Variants in IL17RA observed in about 807,000 individuals in gnomAD.
IL17RA encodes interleukin-17 receptor A.
Under a neutral mutation model 50.4 loss-of-function variants are expected in IL17RA, and 34 were observed. That is an observed-to-expected ratio of 0.67 (90% CI 0.51 to 0.90). The LOEUF is 0.90. Among genes scored for constraint, IL17RA ranks in the 40% least tolerant of loss-of-function variants. IL17RA has a pLI of 0.00. For missense variants in IL17RA, 1,276 were observed against 1,169.8 expected, an observed-to-expected ratio of 1.09 and a Z score of -1.32; for synonymous variants, 585 against 510.4, an observed-to-expected ratio of 1.15 and a Z score of -1.97.
intron 1 of IL17RA, 73 bp downstream of exon 1, chr22:17,085,302 G>T: frequency 1.3e-6 from 2 of 1,523,142 alleles, no homozygotes; most frequent in South Asian, 2.4e-5. Flanking sequence ...AGGGCCGGAC[G>T]GTCGGGACTA....
chr22:17,085,306 G>C, intron 1 of IL17RA, 77 bp downstream of exon 1: 1 of 1,521,762 alleles, frequency 6.6e-7, no homozygotes, highest in Non-Finnish European at 8.8e-7. Context: ...CCGGACGGTC[G>C]GGACTACGCG....
At chr22:17,097,212 G>A in intron 2 of IL17RA, 126 bp downstream of exon 2, 1 of 905,626 alleles carries the variant, frequency 1.1e-6, no homozygotes, top group Admixed American at 1.8e-5. Flanking sequence ...GCCATCCGCA[G>A]GAGGGTTCCC....
intron 1 of IL17RA, among the ~76,000 whole-genome samples, chr22:17,091,177 G>A (rs2061346540): frequency 6.6e-6 from 1 of 152,112 alleles, no homozygotes; most frequent in African/African-American, 2.4e-5. Context: ...AATTTCCTAA[G>A]CATATGTATG....
chr22:17,109,267 C>A lies in IL17RA; in HGVS notation c.2048C>A (p.Pro683His). The change falls in exon 13 of 13, where the codon CCT (proline) becomes CAT (histidine). Residue 683 changes from proline to histidine, a missense_variant. Coordinates refer to ENST00000319363, the MANE Select transcript of IL17RA (RefSeq NM_014339.7). Reference protein sequence around the residue: ...EEGALVAAVEPGPLADGAAVR... With the variant: ...EEGALVAAVEHGPLADGAAVR... ...GGGGCCCTGGTGGCCGCGGTGGAGC[C>A]TGGGCCCCTGGCTGACGGTGCCGCA... The A allele has an allele frequency of 6.6e-7, 1 of 1,506,152 alleles. No individual in the cohort carries two copies. The highest frequency in any genetic ancestry group is 1.4e-5 in the African/African-American group (1 of 72,528). The allele number at this position is 1,506,152 out of a possible 1,614,324, so 93.3% of individuals were successfully genotyped here. A position where few individuals can be genotyped will look rare whatever the true frequency, so the allele number is the denominator to read the frequency against.
At position 17,108,783 on chromosome 22, in the gene IL17RA, C is replaced by G. The variant is rs543278251; in HGVS notation, c.1564C>G (p.Arg522Gly). 6.2e-7 allele frequency: 1 copy of G among 1,607,494 alleles called. No individual in the cohort carries two copies. The highest frequency in any genetic ancestry group is 1.7e-5 in the Admixed American group (1 of 59,180). Reference sequence around the variant, plus strand: ...CCCCGACCTGTTCGGCGCGGCGCCGCGGTACCCGCTCATGGACAGGTTCGA... The same window carrying G: ...CCCCGACCTGTTCGGCGCGGCGCCGGGGTACCCGCTCATGGACAGGTTCGA... ...DVPDLFGAAP[R>G]YPLMDRFEEV... Residue 522 changes from arginine (R) to glycine (G), a missense_variant, in exon 13 of 13, where the codon CGG becomes GGG. By Grantham distance (125) the Arg-to-Gly change is moderately radical. Transcript: ENST00000319363.
Position 17,108,497 on chromosome 22 carries a change from G to T in IL17RA, c.1278G>T (p.Met426Ile). Residue 426 changes from methionine (M) to isoleucine (I), a missense_variant, in exon 13 of 13, where the codon ATG becomes ATT. Transcript: ENST00000319363. ...AGGCCATCTCGGAGGCAGGAGTCAT[G>T]ACCTGGGTGGGCCGTCAGAAGCAGG... ...EEQAISEAGVMTWVGRQKQEM... is the reference protein window; with the variant it reads ...EEQAISEAGVITWVGRQKQEM... The T allele has an allele frequency of 6.2e-7, 1 of 1,612,986 alleles. No individual in the cohort carries two copies. Among genetic ancestry groups the T allele is most frequent in the Middle Eastern group, 1.6e-4 (1 of 6,062 alleles).
At position 17,085,250 on chromosome 22, in the gene IL17RA, C is replaced by G. The variant is rs771841514; in HGVS notation, c.138+21C>G. 6.5e-6 allele frequency: 10 copies of G among 1,536,952 alleles called. No homozygotes were observed. The South Asian group carries it at 1.1e-4, about 17-fold the overall frequency. On this transcript the variant is annotated intron_variant, in intron 1 of 12. Coordinates refer to ENST00000319363, the MANE Select transcript of IL17RA (RefSeq NM_014339.7). Reference sequence around the variant, plus strand: ...AGCCGGTGAGACTCGACGTGGGGAGCGGTAGCCGCCAGGATGCTGCGGACG... The same window carrying G: ...AGCCGGTGAGACTCGACGTGGGGAGGGGTAGCCGCCAGGATGCTGCGGACG...
chr22:17,096,430 C>G, intron 1 of IL17RA, among the ~76,000 whole-genome samples: 1 of 152,144 alleles, frequency 6.6e-6, no homozygotes, highest in Non-Finnish European at 1.5e-5. Context: ...TGCCCTTCAC[C>G]CCTTCCGCAC....
chr22:17,097,405 G>T, intron 2 of IL17RA: 1 of 518,650 alleles, frequency 1.9e-6, no homozygotes, highest in Admixed American at 3.2e-5. Flanking sequence ...AGACATCTGT[G>T]CTGTTGATTT....
At position 17,113,923 on chromosome 22, in the gene IL17RA, T is replaced by C. The variant is rs2061456228; in HGVS notation, c.*4103T>C. The stretch of plus-strand genomic sequence containing the variant: ...GTATCCCCGAGTGGCACCAGCCTGC[T>C]TCTGGGGCAGAGCAGTTTGTGCCCC... On this transcript the variant is annotated 3_prime_UTR_variant, in exon 13 of 13. Transcript: ENST00000319363. 2 of 152,280 alleles carry C rather than the reference T, an allele frequency of 1.3e-5. No individual in the cohort carries two copies. The highest frequency in any genetic ancestry group is 4.8e-5 in the African/African-American group (2 of 41,472). The allele number at this position is 152,280 out of a possible 1,614,324, so 9.4% of individuals were successfully genotyped here.
chr22:17,105,309 C>A (rs1439491883), intron 9 of IL17RA, among the ~76,000 whole-genome samples: 1 of 152,204 alleles, frequency 6.6e-6, no homozygotes, highest in African/African-American at 2.4e-5. Flanking sequence ...TGCCCTAATG[C>A]ACGGGAGGCT....
chr22:17,093,480 T>C (rs2061354867), intron 1 of IL17RA: 1 of 152,274 alleles, frequency 6.6e-6, no homozygotes, highest in African/African-American at 2.4e-5. Context: ...AACTCCCTTT[T>C]GTAGCATTCA....
chr22:17,099,771 G>T (rs966375149), intron 4 of IL17RA, among the ~76,000 whole-genome samples: 1 of 152,168 alleles, frequency 6.6e-6, no homozygotes, highest in African/African-American at 2.4e-5. Context: ...TAGAATGGGG[G>T]TTGGAGTCGA....
chr22:17,096,726 C>T (rs1414454607), intron 1 of IL17RA, among the ~76,000 whole-genome samples: 6 of 151,970 alleles, frequency 3.9e-5, no homozygotes, highest in African/African-American at 9.7e-5. Flanking sequence ...AAAAAGTAGC[C>T]GGGCGTGGTG....
chr22:17,108,677 C>T lies in IL17RA; in HGVS notation c.1458C>T (p.Ile486=), dbSNP rs879575. ...TGTTCACTGCAGCCATGAACATGATCCTCCCGGACTTCAAGAGGCCAGCCT... is the reference window on the plus strand; with the variant it reads ...TGTTCACTGCAGCCATGAACATGATTCTCCCGGACTTCAAGAGGCCAGCCT... ...GDLFTAAMNM[I]LPDFKRPACF... The change falls in exon 13 of 13, where the codon ATC becomes ATT. Residue 486 remains isoleucine, a synonymous_variant. Coordinates refer to ENST00000319363, the MANE Select transcript of IL17RA (RefSeq NM_014339.7). 357,072 of 1,607,998 alleles carry T rather than the reference C, an allele frequency of 0.22. 41,505 individuals carry two copies. Among genetic ancestry groups the T allele is most frequent in the Non-Finnish European group, 0.24 (284,030 of 1,179,672 alleles).
intron 4 of IL17RA, among the ~76,000 whole-genome samples, chr22:17,099,480 C>T (rs1485958178): frequency 6.6e-6 from 1 of 152,112 alleles, no homozygotes; most frequent in Non-Finnish European, 1.5e-5. Context: ...TTGGCCCCAC[C>T]CCAGACTTCC....
intron 9 of IL17RA, among the ~76,000 whole-genome samples, chr22:17,105,335 C>A (rs1162793255): frequency 2.0e-5 from 3 of 152,158 alleles, no homozygotes; most frequent in Non-Finnish European, 4.4e-5. Context: ...CACGTGCTCA[C>A]CAGAAGGCAA....
chr22:17,097,038 A>C, intron 1 of IL17RA, 24 bp from the exon 2 acceptor site: 1 of 1,612,022 alleles, frequency 6.2e-7, no homozygotes, highest in Non-Finnish European at 8.5e-7. Context: ...CCCAGCTGTA[A>C]TAACCACCCT....
intron 5 of IL17RA, 48 bp from the exon 6 acceptor site, chr22:17,101,948 T>A (rs765890121): frequency 1.9e-6 from 3 of 1,611,634 alleles, no homozygotes; most frequent in Non-Finnish European, 2.5e-6. Context: ...GAAGAACAGA[T>A]TTCTGAAGGC....
Sources: gnomAD v4.1 joint callset for allele counts (sites outside exome capture counted in the v4.1 genomes callset) on GRCh38, gnomAD v4.1.1 for gene constraint, MANE v1.5 for transcripts, NCBI Gene and HGNC (gene_info 2026-07-23, HGNC 2026-07-21) for gene names.